The following SYT2 variants were observed in gnomAD, a reference collection of about 807,000 sequenced individuals.
SYT2 encodes synaptotagmin-2.
Under a neutral mutation model 39.9 loss-of-function variants are expected in SYT2, and 15 were observed. That is an observed-to-expected ratio of 0.38 (90% CI 0.25 to 0.58). The LOEUF (loss-of-function observed/expected upper bound fraction) is 0.58, where lower values mean the gene tolerates loss of function less well. Among genes scored for constraint, SYT2 ranks in the 20% least tolerant of loss-of-function variants. The probability of loss-of-function intolerance (pLI) is 0.70; values close to 1 mark genes in which losing one functional copy is unlikely to be tolerated. For synonymous variants in SYT2, 181 were observed against 204.5 expected (o/e 0.89, Z 0.98); for missense variants, 389 against 530.3 (o/e 0.73, Z 2.62).
intron 1 of SYT2, among the ~76,000 whole-genome samples, chr1:202,703,401 C>T (rs553771916): frequency 5.7e-4 from 86 of 152,034 alleles, no homozygotes; most frequent in Non-Finnish European, 5.7e-4. Flanking sequence ...AAAAGAAGGG[C>T]GGGGGAAGGA....
chr1:202,694,687 C>A (rs544902287), intron 1 of SYT2, among the ~76,000 whole-genome samples: 1 of 152,192 alleles, frequency 6.6e-6, no homozygotes, highest in East Asian at 1.9e-4. Context: ...TCACCACCAC[C>A]TCCTCGTCCT....
At chr1:202,603,701 T>TC (rs1409421070) in intron 3 of SYT2, among the ~76,000 whole-genome samples, 2 of 152,068 alleles carry the variant, frequency 1.3e-5, no homozygotes, top group Non-Finnish European at 2.9e-5. Context: ...CAACACACTC[T>TC]CACACTCACA....
intron 1 of SYT2, among the ~76,000 whole-genome samples, chr1:202,610,723 A>G (rs1690863357): frequency 6.6e-6 from 1 of 152,226 alleles, no homozygotes; most frequent in African/African-American, 2.4e-5. Flanking sequence ...CCCATTCACA[A>G]TTGCTTCAAA....
chr1:202,622,833 G>A (rs1441706281), intron 1 of SYT2, among the ~76,000 whole-genome samples: 3 of 152,150 alleles, frequency 2.0e-5, no homozygotes, highest in African/African-American at 7.2e-5. Flanking sequence ...TTAAATCACA[G>A]GCAAATATTA....
chr1:202,596,661 G>A lies in SYT2; in HGVS notation c.*96C>T. 8.1e-7 allele frequency: 1 copy of A among 1,242,220 alleles called. No homozygotes were observed. The highest frequency in any genetic ancestry group is 1.1e-6 in the Non-Finnish European group (1 of 899,910). 76.9% of individuals were successfully genotyped at this position (1,242,220 alleles called of 1,614,324 possible). ...GGACACAACCACCCAACAAATGAAA[G>A]AAAAAAGAAAACCTCTAAGGTTGCA... On this transcript the variant is annotated 3_prime_UTR_variant, in exon 9 of 9. Coordinates refer to ENST00000367268, the MANE Select transcript of SYT2 (RefSeq NM_177402.5).
intron 1 of SYT2, chr1:202,632,771 T>C (rs1209979635): frequency 6.4e-6 from 1 of 156,472 alleles, no homozygotes; most frequent in Non-Finnish European, 1.4e-5. Flanking sequence ...TTCAGTCAAA[T>C]GATGCAGGAT....
Position 202,614,625 on chromosome 1 carries a change from C to T in SYT2, c.-17-8836G>A, listed in dbSNP as rs778360523. ...TGGTGAGCATTTATAATGGGGCATA[C>T]GTGAATTAATCTGGGAAAGCAAAAG... is the stretch of plus-strand genomic sequence containing the variant. On this transcript the variant is annotated intron_variant, in intron 1 of 8. Transcript: ENST00000367268. This position sits in a 1 kb window ranked among gnomAD's most constrained non-coding sequence, Gnocchi z 4.0. Among the ~76,000 whole-genome samples, 3 of 152,136 alleles carry T rather than the reference C, an allele frequency of 2.0e-5. No homozygotes were observed. The highest frequency in any genetic ancestry group is 1.3e-4 in the Admixed American group (2 of 15,268).
Position 202,705,421 on chromosome 1 carries a change from C to T in SYT2, c.-18+4837G>A, listed in dbSNP as rs1654223845. Among the ~76,000 whole-genome samples, 4 of 152,230 alleles carry T rather than the reference C, an allele frequency of 2.6e-5. No homozygotes were observed. In the South Asian group the frequency reaches 8.3e-4, roughly 31 times the overall value. ...CACACTGACTTTGCCCTTTCTTATG[C>T]CTGATGCTTAGTGTTACTGACAGCA... On this transcript the variant is annotated intron_variant, in intron 1 of 8. Coordinates refer to ENST00000367268, the MANE Select transcript of SYT2 (RefSeq NM_177402.5).
At chr1:202,667,936 C>A (rs1008559849) in intron 1 of SYT2, among the ~76,000 whole-genome samples, 1 of 152,180 alleles carries the variant, frequency 6.6e-6, no homozygotes, top group Non-Finnish European at 1.5e-5. Context: ...TGGTCTCGAA[C>A]TCCTGACCTC....
intron 1 of SYT2, among the ~76,000 whole-genome samples, chr1:202,684,383 A>G (rs1653606135): frequency 6.6e-6 from 1 of 151,368 alleles, no homozygotes; most frequent in Admixed American, 6.6e-5. Context: ...GTGAGATTAT[A>G]CAGTATTTGT....
At chr1:202,651,122 T>C (rs1692185085) in intron 1 of SYT2, among the ~76,000 whole-genome samples, 4 of 151,640 alleles carry the variant, frequency 2.6e-5, no homozygotes, top group Admixed American at 2.6e-4. Flanking sequence ...CAGGAGGCAA[T>C]GAGAAGAGGG....
intron 1 of SYT2, among the ~76,000 whole-genome samples, chr1:202,699,905 T>C (rs796996014): frequency 7.2e-5 from 11 of 152,232 alleles, no homozygotes; most frequent in African/African-American, 2.6e-4. Context: ...GAAGTCACAT[T>C]CCCTCTCTGG....
chr1:202,665,734 G>T (rs915190128), intron 1 of SYT2, among the ~76,000 whole-genome samples: 3 of 152,116 alleles, frequency 2.0e-5, no homozygotes, highest in African/African-American at 7.2e-5. Flanking sequence ...CCCCGCATCT[G>T]TCTCTTGCTC....
intron 1 of SYT2, among the ~76,000 whole-genome samples, chr1:202,650,900 C>CA (rs1692179038): frequency 6.6e-6 from 1 of 151,812 alleles, no homozygotes; most frequent in Non-Finnish European, 1.5e-5. Flanking sequence ...GTGTTTCAGG[C>CA]AAAGGGAATA....
intron 1 of SYT2, among the ~76,000 whole-genome samples, chr1:202,664,602 A>T (rs1278898170): frequency 1.3e-5 from 2 of 152,166 alleles, no homozygotes; most frequent in Non-Finnish European, 2.9e-5. Context: ...GCTTGTTTGA[A>T]AATCTTACAG....
chr1:202,602,074 G>A lies in SYT2; in HGVS notation c.634-17C>T. On this transcript the variant is annotated splice_polypyrimidine_tract_variant and intron_variant, in intron 5 of 8. Coordinates refer to ENST00000367268, the MANE Select transcript of SYT2 (RefSeq NM_177402.5). ...GTATGGCACCTGCAGGGCACAAGCA[G>A]AATCAGAGGGGGCCAGAGCGACTCA... 1 of 1,613,656 alleles carries A rather than the reference G, an allele frequency of 6.2e-7. No individual in the cohort carries two copies.
chr1:202,678,402 T>A (rs1325058796), intron 1 of SYT2, among the ~76,000 whole-genome samples: 1 of 102,452 alleles, frequency 9.8e-6, no homozygotes, highest in Non-Finnish European at 2.5e-5. Context: ...TGAGGTAAGA[T>A]CAGATTTAGC....
intron 1 of SYT2, among the ~76,000 whole-genome samples, chr1:202,648,493 G>T (rs1332268080): frequency 6.6e-6 from 1 of 152,180 alleles, no homozygotes; most frequent in East Asian, 1.9e-4. Context: ...TCTCTGCTTT[G>T]CAGGTGAGGA....
intron 1 of SYT2, chr1:202,639,626 G>A (rs1691845400): frequency 1.0e-6 from 1 of 985,468 alleles, no homozygotes; most frequent in Non-Finnish European, 1.2e-6. Context: ...TTGAATGGAG[G>A]GATGCCATGC....
Sources: gnomAD v4.1 joint callset for allele counts (sites outside exome capture counted in the v4.1 genomes callset) on GRCh38, gnomAD v4.1.1 for gene constraint, Gnocchi (gnomAD v3.1) non-coding constraint, MANE v1.5 for transcripts, NCBI Gene and HGNC (gene_info 2026-07-23, HGNC 2026-07-21) for gene names.